PRKN: variants seen among roughly 807,000 people sequenced by gnomAD.
PRKN encodes the protein parkin RBR E3 ubiquitin protein ligase, also known as E3 ubiquitin-protein ligase parkin.
A neutral mutation model predicts 59.5 loss-of-function variants in PRKN; 56 were observed. The ratio of observed to expected loss-of-function variants is 0.94; its 90% confidence interval spans 0.76 to 1.18. The LOEUF is 1.18. Ranked by LOEUF, PRKN falls within the 50% of genes most tolerant of loss-of-function variation. The pLI is 0.00. For synonymous variants in PRKN, 250 were observed against 222.1 expected, an observed-to-expected ratio of 1.13 and a Z score of -1.12; for missense variants, 657 against 596.4, an observed-to-expected ratio of 1.10 and a Z score of -1.06.
At chr6:161,420,031 G>C (rs951335527) in intron 9 of PRKN, among the ~76,000 whole-genome samples, 2 of 151,932 alleles carry the variant, frequency 1.3e-5, no homozygotes, top group African/African-American at 4.8e-5. Context: ...GAGGTCAAGA[G>C]ATCAAGACCA....
rs1781376173 is a variant in PRKN at position 161,582,486 on chromosome 6, G to C, written c.872-13070C>G. Reference sequence around the variant, plus strand: ...CTGTCGCCTAGGCTGGAGTGCAGTGGCGCGATCTAGGCTCACTGCAAGCTC... The same window carrying C: ...CTGTCGCCTAGGCTGGAGTGCAGTGCCGCGATCTAGGCTCACTGCAAGCTC... On this transcript the variant is annotated intron_variant, in intron 7 of 11. Transcript: ENST00000366898. The surrounding 1 kb of genome is among the most constrained non-coding windows in gnomAD (Gnocchi z 4.4). Among the ~76,000 whole-genome samples, 1 of 151,708 alleles carries C rather than the reference G, an allele frequency of 6.6e-6. No homozygotes were observed. The highest frequency in any genetic ancestry group is 6.6e-5 in the Admixed American group (1 of 15,244).
At chr6:162,617,803 ATAAC>A (rs1285642095) in intron 1 of PRKN, among the ~76,000 whole-genome samples, 2 of 152,190 alleles carry the variant, frequency 1.3e-5, no homozygotes, top group African/African-American at 2.4e-5. Flanking sequence ...AACCATAGTA[ATAAC>A]TAACAAGTAA....
chr6:161,977,519 C>G (rs1005178722), intron 5 of PRKN, among the ~76,000 whole-genome samples: 1 of 141,824 alleles, frequency 7.1e-6, no homozygotes, highest in African/African-American at 2.7e-5. Flanking sequence ...GAAACATTAT[C>G]TTCTCTACTT....
chr6:161,464,542 C>T (rs1790361763), intron 9 of PRKN, among the ~76,000 whole-genome samples: 1 of 152,160 alleles, frequency 6.6e-6, no homozygotes, highest in South Asian at 2.1e-4. Context: ...TATAACCTTT[C>T]CATGTTCTGA....
At chr6:162,686,148 CTAAA>C (rs1779969043) in intron 1 of PRKN, among the ~76,000 whole-genome samples, 1 of 152,056 alleles carries the variant, frequency 6.6e-6, no homozygotes, top group African/African-American at 2.4e-5. Context: ...TGATTTTTCT[CTAAA>C]ATATAGGAAG....
At chr6:162,627,814 AC>A (rs1303323398) in intron 1 of PRKN, among the ~76,000 whole-genome samples, 2 of 152,290 alleles carry the variant, frequency 1.3e-5, no homozygotes, top group East Asian at 3.9e-4. Flanking sequence ...AGTTTTGAAT[AC>A]TAGGAGAGAT....
chr6:162,095,232 G>A (rs547980587), intron 4 of PRKN, among the ~76,000 whole-genome samples: 3 of 152,106 alleles, frequency 2.0e-5, no homozygotes, highest in Admixed American at 2.0e-4. Flanking sequence ...TAAGGTCCTG[G>A]TCACAAATAT....
chr6:162,421,432 T>C (rs987574637), intron 2 of PRKN, among the ~76,000 whole-genome samples: 33 of 152,208 alleles, frequency 2.2e-4, no homozygotes, highest in African/African-American at 7.2e-4. Flanking sequence ...GGGTGGTTCC[T>C]TGTGACTTTC....
intron 2 of PRKN, among the ~76,000 whole-genome samples, chr6:162,376,450 G>A (rs1032965486): frequency 6.6e-6 from 1 of 151,742 alleles, no homozygotes; most frequent in African/African-American, 2.4e-5. Flanking sequence ...CCGCCGTGTA[G>A]AAAAGCTATA....
At chr6:161,580,345 G>A (rs902038758) in intron 7 of PRKN, among the ~76,000 whole-genome samples, 1 of 152,128 alleles carries the variant, frequency 6.6e-6, no homozygotes, top group Non-Finnish European at 1.5e-5. Flanking sequence ...TCTAAAACAC[G>A]AGACCTTGAG....
chr6:161,516,584 T>C (rs1349410483), intron 9 of PRKN, among the ~76,000 whole-genome samples: 7 of 150,004 alleles, frequency 4.7e-5, no homozygotes, highest in Non-Finnish European at 1.0e-4. Flanking sequence ...TCTCAACACT[T>C]TGGGAGGCCG....
chr6:162,152,550 GCA>G (rs1782317444), intron 4 of PRKN, among the ~76,000 whole-genome samples: 1 of 152,170 alleles, frequency 6.6e-6, no homozygotes, highest in South Asian at 2.1e-4. Context: ...TCTTCCACAT[GCA>G]TACTGCAGGA....
At chr6:162,717,440 C>T (rs1778772013) in intron 1 of PRKN, among the ~76,000 whole-genome samples, 1 of 151,802 alleles carries the variant, frequency 6.6e-6, no homozygotes, top group African/African-American at 2.4e-5. Context: ...AAAAATTAGC[C>T]AGGCAGGTTG....
At chr6:162,478,534 G>A (rs1562317005) in intron 1 of PRKN, among the ~76,000 whole-genome samples, 1 of 152,208 alleles carries the variant, frequency 6.6e-6, no homozygotes, top group Non-Finnish European at 1.5e-5. Flanking sequence ...AAGAGCAAGA[G>A]CATTCTAATA....
In PRKN at chr6:161,884,976, C is replaced by CA. The variant is rs35244761; in HGVS notation, c.734+88325dup. ...CTGTGTTCCAATAAAACTTTATTTACAAAAAAAAAAAAAATGCTATCTGTA... is the reference window on the plus strand; with the variant it reads ...CTGTGTTCCAATAAAACTTTATTTACAAAAAAAAAAAAAAATGCTATCTGTA... On this transcript the variant is annotated intron_variant, in intron 6 of 11. Transcript: ENST00000366898. Among the ~76,000 whole-genome samples, 1,077 of 133,522 alleles carry CA rather than the reference C, an allele frequency of 8.1e-3. 9 individuals carry two copies. The highest frequency in any genetic ancestry group is 0.034 in the South Asian group (142 of 4,152). 87.6% of individuals were successfully genotyped at this position (133,522 alleles called of 152,430 possible).
intron 4 of PRKN, among the ~76,000 whole-genome samples, chr6:162,192,241 TACTA>T (rs1289860503): frequency 6.6e-6 from 1 of 152,120 alleles, no homozygotes; most frequent in Non-Finnish European, 1.5e-5. Flanking sequence ...TGCATGTCAC[TACTA>T]ACTGACAGAC....
intron 2 of PRKN, among the ~76,000 whole-genome samples, chr6:162,366,917 A>T (rs998646458): frequency 6.6e-6 from 1 of 152,190 alleles, no homozygotes; most frequent in Non-Finnish European, 1.5e-5. Flanking sequence ...AATAAATTTT[A>T]AAAAATTAAA....
At chr6:161,855,257 C>T (rs370342371) in intron 6 of PRKN, among the ~76,000 whole-genome samples, 1 of 152,090 alleles carries the variant, frequency 6.6e-6, no homozygotes, top group Non-Finnish European at 1.5e-5. Flanking sequence ...TTTGTAAGAT[C>T]TGCATCAAGT....
In PRKN at chr6:162,262,749, T is replaced by C. The variant is rs1269160083; in HGVS notation, c.188A>G (p.Gln63Arg). The change falls in exon 3 of 12, where the codon CAG (glutamine) becomes CGG (arginine). Residue 63 changes from glutamine (Q) to arginine (R), a missense_variant. Gln to Arg is a conservative substitution (Grantham distance 43, BLOSUM62 1). Transcript: ENST00000366898. ...DWTVQNCDLD[Q>R]QSIVHIVQRP... ...CTGCACAATGTGAACAATGCTCTGC[T>C]GATCCAGGTCACAATTCTGTTTGGG... 2 of 1,604,580 alleles carry C rather than the reference T, an allele frequency of 1.2e-6. No individual in the cohort carries two copies. Among genetic ancestry groups the C allele is most frequent in the South Asian group, 1.1e-5 (1 of 90,908 alleles).
Sources: allele counts gnomAD v4.1 joint callset (sites outside exome capture counted in the v4.1 genomes callset), GRCh38; gene constraint gnomAD v4.1.1; non-coding constraint Gnocchi (gnomAD v3.1); transcripts MANE v1.5; gene names NCBI Gene and HGNC (gene_info 2026-07-23, HGNC 2026-07-21).